The following NTNG1 variants were observed in gnomAD, a reference collection of about 807,000 sequenced individuals.
The protein encoded by NTNG1 is netrin-G1.
A neutral mutation model predicts 54.0 loss-of-function variants in NTNG1; 16 were observed. The ratio of observed to expected loss-of-function variants is 0.30; its 90% CI spans 0.20 to 0.45. The LOEUF (loss-of-function observed/expected upper bound fraction) is 0.45, where lower values mean the gene tolerates loss of function less well. NTNG1 is among the 20% of genes least tolerant of loss of function. NTNG1 has a pLI of 1.00. For synonymous variants in NTNG1, 255 were observed against 263.1 expected (o/e 0.97, Z 0.30); for missense variants, 530 against 678.7 (o/e 0.78, Z 2.43).
chr1:107,242,930 T>C (rs2101586372), intron 2 of NTNG1, among the ~76,000 whole-genome samples: 1 of 152,304 alleles, frequency 6.6e-6, no homozygotes, highest in East Asian at 1.9e-4. Context: ...AATAATTCTT[T>C]GGAGTAAGAG....
chr1:107,303,500 T>C lies in NTNG1; in HGVS notation c.247-20782T>C, dbSNP rs539449949. Among the ~76,000 whole-genome samples, 190 of 152,320 alleles carry C rather than the reference T, an allele frequency of 1.2e-3. 1 individual carries two copies. The highest frequency in any genetic ancestry group is 4.5e-3 in the African/African-American group (185 of 41,570). ...ACAATGCAGATGCTAACACCTTAGT[T>C]CTACACTTAGCCCTTGTTTCATGAA... On this transcript the variant is annotated intron_variant, in intron 2 of 7. Transcript: ENST00000370068.
intron 2 of NTNG1, among the ~76,000 whole-genome samples, chr1:107,267,969 A>G (rs1332641114): frequency 1.3e-5 from 2 of 152,162 alleles, no homozygotes; most frequent in African/African-American, 4.8e-5. Context: ...CTGTGGATAA[A>G]TTGTCCCCAT....
At chr1:107,149,916 A>G (rs1158283984) in intron 2 of NTNG1, among the ~76,000 whole-genome samples, 1 of 152,162 alleles carries the variant, frequency 6.6e-6, no homozygotes, top group African/African-American at 2.4e-5. Context: ...CAGGATAGTG[A>G]AACTATTAAT....
At chr1:107,277,182 G>A (rs1248750673) in intron 2 of NTNG1, among the ~76,000 whole-genome samples, 1 of 152,206 alleles carries the variant, frequency 6.6e-6, no homozygotes, top group African/African-American at 2.4e-5. Flanking sequence ...GGAAGTGGCT[G>A]CGTTAATATC....
chr1:107,220,095 A>C (rs187397842), intron 2 of NTNG1, among the ~76,000 whole-genome samples: 22 of 152,228 alleles, frequency 1.4e-4, no homozygotes, highest in Middle Eastern at 3.4e-3. Flanking sequence ...CAATGGAGTT[A>C]TGTTCCCAGG....
chr1:107,335,318 G>A (rs17018783), intron 3 of NTNG1, among the ~76,000 whole-genome samples: 14,952 of 151,794 alleles, frequency 0.099, 864 homozygotes, highest in East Asian at 0.16. Context: ...CCAACCAAAG[G>A]GACTTAAAAT....
rs773006154 is a variant in NTNG1 at position 107,395,264 on chromosome 1, A to T, written c.998A>T (p.Tyr333Phe). 3.1e-6 allele frequency: 5 copies of T among 1,613,692 alleles called. No homozygotes were observed. The highest frequency in any genetic ancestry group is 4.2e-6 in the Non-Finnish European group (5 of 1,179,692). ...GACTGTGGGAAATGCAAGAAGAATT[A>T]TCAGGGCCGACCTTGGAGTCCAGGC... ...GPDCGKCKKN[Y>F]QGRPWSPGSY... The change falls in exon 4 of 8, where the codon TAT becomes TTT. Residue 333 changes from tyrosine (Y) to phenylalanine (F), a missense_variant. Tyr to Phe is a conservative substitution (Grantham distance 22). Coordinates refer to ENST00000370068, the MANE Select transcript of NTNG1 (RefSeq NM_001113226.3).
At chr1:107,372,550 T>G (rs1670987079) in intron 3 of NTNG1, among the ~76,000 whole-genome samples, 1 of 152,128 alleles carries the variant, frequency 6.6e-6, no homozygotes, top group African/African-American at 2.4e-5. Context: ...AACTTCATTT[T>G]AAATTTATTT....
intron 5 of NTNG1, among the ~76,000 whole-genome samples, chr1:107,428,725 C>T (rs1557992068): frequency 6.6e-6 from 1 of 152,054 alleles, no homozygotes; most frequent in Admixed American, 6.6e-5. Flanking sequence ...GAAAGATTGT[C>T]TTTATTTCAA....
chr1:107,386,347 T>G (rs1157227126), intron 3 of NTNG1, among the ~76,000 whole-genome samples: 1 of 151,756 alleles, frequency 6.6e-6, no homozygotes, highest in African/African-American at 2.4e-5. Context: ...CTTTTTTTTG[T>G]ATTTTTAGTA....
chr1:107,451,182 T>C (rs1206452279), intron 7 of NTNG1, among the ~76,000 whole-genome samples: 1 of 151,632 alleles, frequency 6.6e-6, no homozygotes, highest in African/African-American at 2.4e-5. Context: ...AAGTTCATGC[T>C]ATGTGCTATT....
At chr1:107,397,403 A>G (rs1489203792) in intron 4 of NTNG1, among the ~76,000 whole-genome samples, 1 of 152,182 alleles carries the variant, frequency 6.6e-6, no homozygotes, top group Non-Finnish European at 1.5e-5. Context: ...TCTGCTTTAA[A>G]GCATCTGAGG....
Position 107,329,416 on chromosome 1 carries a change from C to A in NTNG1, c.887+4494C>A, listed in dbSNP as rs535241327. ...TTGCTGTAATTAGAACAAGGTGGAGCTGACATCGTGTTCTTGAAGCACAAC... is the reference window on the plus strand; with the variant it reads ...TTGCTGTAATTAGAACAAGGTGGAGATGACATCGTGTTCTTGAAGCACAAC... On this transcript the variant is annotated intron_variant, in intron 3 of 7. Transcript: ENST00000370068. Among the ~76,000 whole-genome samples the A allele has an allele frequency of 9.2e-5, 14 of 152,270 alleles. No individual in the cohort carries two copies. The South Asian group carries it at 2.9e-3, about 32-fold the overall frequency.
At chr1:107,383,962 C>G (rs987466012) in intron 3 of NTNG1, among the ~76,000 whole-genome samples, 6 of 152,188 alleles carry the variant, frequency 3.9e-5, no homozygotes, top group Admixed American at 1.3e-4. Flanking sequence ...ATTTAACAAG[C>G]CTTTTGCCTA....
In NTNG1 at chr1:107,157,881, A is replaced by G. The variant is rs540997380; in HGVS notation, c.246+9042A>G. On this transcript the variant is annotated intron_variant, in intron 2 of 7. Coordinates refer to ENST00000370068, the MANE Select transcript of NTNG1 (RefSeq NM_001113226.3). ...TCTGTCAGCATAATCCATTCAAAAT[A>G]TGAATATCTTTTTGCCATAGAACAG... 8.5e-5 allele frequency among the ~76,000 whole-genome samples: 13 copies of G among 152,278 alleles called. No individual in the cohort carries two copies. In the East Asian group the frequency reaches 2.5e-3, roughly 29 times the overall value.
chr1:107,243,639 T>C (rs965256965), intron 2 of NTNG1, among the ~76,000 whole-genome samples: 1 of 152,176 alleles, frequency 6.6e-6, no homozygotes, highest in African/African-American at 2.4e-5. Flanking sequence ...ACGGTCGTAG[T>C]GTGCACTGCA....
At chr1:107,329,899 C>T (rs1349825247) in intron 3 of NTNG1, among the ~76,000 whole-genome samples, 1 of 151,304 alleles carries the variant, frequency 6.6e-6, no homozygotes, top group African/African-American at 2.4e-5. Context: ...TTATAAACAA[C>T]AACGACAAAA....
intron 2 of NTNG1, among the ~76,000 whole-genome samples, chr1:107,178,530 G>T (rs1656821586): frequency 6.6e-6 from 1 of 150,924 alleles, no homozygotes. Context: ...TCTAGTTTTT[G>T]TTTTATCTTC....
At chr1:107,258,150 G>A (rs971945506) in intron 2 of NTNG1, among the ~76,000 whole-genome samples, 3 of 151,532 alleles carry the variant, frequency 2.0e-5, no homozygotes, top group Admixed American at 6.6e-5. Context: ...GGGTTTATGG[G>A]ATGAATATCA....
Sources: allele counts gnomAD v4.1 joint callset (sites outside exome capture counted in the v4.1 genomes callset), GRCh38; gene constraint gnomAD v4.1.1; transcripts MANE v1.5; gene names NCBI Gene and HGNC (gene_info 2026-07-23, HGNC 2026-07-21).